Variants in MARCHF1 observed in about 807,000 individuals in gnomAD.
The protein encoded by MARCHF1 is E3 ubiquitin-protein ligase MARCHF1.
A neutral mutation model predicts 54.2 loss-of-function variants in MARCHF1; 40 were observed. The ratio of observed to expected loss-of-function variants is 0.74; its 90% CI spans 0.57 to 0.96. MARCHF1 has a LOEUF of 0.96. MARCHF1 is among the 40% of genes least tolerant of loss of function. The pLI, the probability that MARCHF1 is intolerant of heterozygous loss-of-function variation, is 0.00. For missense variants in MARCHF1, 586 were observed against 656.5 expected (o/e 0.89, Z 1.17); for synonymous variants, 236 against 236.3 (o/e 1.00, Z 0.01).
intron 1 of MARCHF1, among the ~76,000 whole-genome samples, chr4:164,347,324 C>A (rs1369076950): frequency 6.6e-6 from 1 of 152,266 alleles, no homozygotes; most frequent in African/African-American, 2.4e-5. Context: ...TGCTGCTGAA[C>A]TAGGACTGCC....
rs192295330 is a variant in MARCHF1 at position 163,830,648 on chromosome 4, G to A, written c.111+23373C>T. Among the ~76,000 whole-genome samples the A allele has an allele frequency of 5.4e-3, 821 of 152,142 alleles. 9 individuals carry two copies. Among genetic ancestry groups the A allele is most frequent in the Non-Finnish European group, 8.2e-3 (556 of 67,982 alleles). ...ATGCTCTCCAGCTGGCCACAGTGGC[G>A]CATGTCTGTAATCCCAGCACTTTGA... is the stretch of plus-strand genomic sequence containing the variant. On this transcript the variant is annotated intron_variant, in intron 4 of 9. Transcript: ENST00000514618.
rs202032654 is a variant in MARCHF1 at position 163,589,318 on chromosome 4, C to T, written c.1011-3389G>A. Among the ~76,000 whole-genome samples, 56 of 152,172 alleles carry T rather than the reference C, an allele frequency of 3.7e-4. No homozygotes were observed. The East Asian group carries it at 0.011, about 29-fold the overall frequency. ...ATAAAGTCCTTTTTAAAAATTTCTG[C>T]TAAAACTACTACCTGAAGCACCACT... On this transcript the variant is annotated intron_variant, in intron 7 of 9. Coordinates refer to ENST00000514618, the MANE Select transcript of MARCHF1 (RefSeq NM_001394959.1).
chr4:163,939,573 T>A (rs1252126369), intron 3 of MARCHF1, among the ~76,000 whole-genome samples: 1 of 152,188 alleles, frequency 6.6e-6, no homozygotes, highest in Non-Finnish European at 1.5e-5. Context: ...TTGCCATCAG[T>A]TTACCAACTC....
At chr4:164,197,693 T>C (rs1010700599) in intron 1 of MARCHF1, 8 of 1,612,276 alleles carry the variant, frequency 5.0e-6, no homozygotes, top group Non-Finnish European at 6.8e-6. Flanking sequence ...TCTGAATGAA[T>C]CCGTCTGCCC....
chr4:163,951,129 A>G (rs1007868912), intron 3 of MARCHF1, among the ~76,000 whole-genome samples: 5 of 152,234 alleles, frequency 3.3e-5, no homozygotes, highest in Non-Finnish European at 5.9e-5. Context: ...ATGAAATGAG[A>G]AAAACTGATA....
intron 4 of MARCHF1, among the ~76,000 whole-genome samples, chr4:163,806,947 C>T (rs1748243141): frequency 6.6e-6 from 1 of 151,986 alleles, no homozygotes; most frequent in Admixed American, 6.6e-5. Flanking sequence ...AAAAAATGTA[C>T]ACTTAACAAA....
chr4:164,284,334 CAGAGAGAGAG>C (rs139533400), intron 1 of MARCHF1, among the ~76,000 whole-genome samples: 10 of 117,558 alleles, frequency 8.5e-5, no homozygotes, highest in African/African-American at 2.6e-4. Flanking sequence ...GAGAGAGAGA[CAGAGAGAGAG>C]AGAGAGAGAG....
intron 1 of MARCHF1, among the ~76,000 whole-genome samples, chr4:164,308,006 T>C (rs766486514): frequency 2.0e-5 from 3 of 152,220 alleles, no homozygotes; most frequent in East Asian, 1.9e-4. Context: ...AGTTGTCTTA[T>C]AGTTACGCTG....
rs60753810 is a variant in MARCHF1 at position 164,081,207 on chromosome 4, CAAAAAAAAAAAAAAA to C, written c.-248+30366_-248+30380del. Among the ~76,000 whole-genome samples, 8 of 18,406 alleles carry C rather than the reference CAAAAAAAAAAAAAAA, an allele frequency of 4.3e-4. 1 individual carries two copies. Among genetic ancestry groups the C allele is most frequent in the East Asian group, 3.9e-3 (2 of 518 alleles). 12.1% of individuals were successfully genotyped at this position (18,406 alleles called of 152,430 possible). Reference sequence around the variant, plus strand: ...TGGGCGACAGAGCCAGACGCTGTCTCAAAAAAAAAAAAAAAAAAAAAAAAAAAAAAGAAATATTAT... The same window carrying C: ...TGGGCGACAGAGCCAGACGCTGTCTCAAAAAAAAAAAAAAAGAAATATTAT... On this transcript the variant is annotated intron_variant, in intron 2 of 9. Transcript: ENST00000514618.
intron 2 of MARCHF1, among the ~76,000 whole-genome samples, chr4:164,096,846 A>G (rs182954384): frequency 5.9e-5 from 9 of 152,300 alleles, no homozygotes; most frequent in Non-Finnish European, 8.8e-5. Context: ...ATAAATTGAA[A>G]GAAATTTATT....
chr4:163,808,360 C>T (rs1268263560), intron 4 of MARCHF1, among the ~76,000 whole-genome samples: 1 of 152,166 alleles, frequency 6.6e-6, no homozygotes, highest in Non-Finnish European at 1.5e-5. Context: ...GGTGAAAGTT[C>T]TGCAGCCTGA....
In MARCHF1 at chr4:164,198,066, G is replaced by A. The variant is rs1050516892; in HGVS notation, c.-322-86404C>T. Among the ~76,000 whole-genome samples the A allele has an allele frequency of 5.3e-5, 8 of 152,200 alleles. 1 individual carries two copies. Among genetic ancestry groups the A allele is most frequent in the Non-Finnish European group, 1.2e-4 (8 of 68,030 alleles). On this transcript the variant is annotated intron_variant, in intron 1 of 9. Transcript: ENST00000514618. ...TTTTTCTTTTTACTTTTAGAGACCT[G>A]ACACGGGATATCTTTGAATCTATAG...
chr4:163,524,589 A>T (rs193170304), downstream of MARCHF1: 56 of 152,252 alleles, frequency 3.7e-4, no homozygotes, highest in Admixed American at 3.3e-3. Flanking sequence ...GTCATGAGTT[A>T]GTCAACGTAG....
In MARCHF1 at chr4:163,595,353, A is replaced by T. The variant is rs972456822; in HGVS notation, c.1011-9424T>A. On this transcript the variant is annotated intron_variant, in intron 7 of 9. Transcript: ENST00000514618. ...GTGAGACCCTGTCTTCACTAAAAATAAAATAAAAAAAAAATTAGCGGAGTG... is the reference window on the plus strand; with the variant it reads ...GTGAGACCCTGTCTTCACTAAAAATTAAATAAAAAAAAAATTAGCGGAGTG... Among the ~76,000 whole-genome samples the T allele has an allele frequency of 6.1e-5, 6 of 98,028 alleles. No homozygotes were observed. The South Asian group carries it at 1.4e-3, about 23-fold the overall frequency. The allele number at this position is 98,028 out of a possible 152,430, so 64.3% of individuals were successfully genotyped here. A position where few individuals can be genotyped will look rare whatever the true frequency, so the allele number is the denominator to read the frequency against.
In MARCHF1 at chr4:164,218,719, G is replaced by A. The variant is rs539680934; in HGVS notation, c.-322-107057C>T. ...CTGTTGTGGGGTGGGGGGAGGGGGA[G>A]GGATAGCATTAGGAGATATATCTAA... On this transcript the variant is annotated intron_variant, in intron 1 of 9. Transcript: ENST00000514618. Among the ~76,000 whole-genome samples, 5 of 127,970 alleles carry A rather than the reference G, an allele frequency of 3.9e-5. No homozygotes were observed. In the South Asian group the frequency reaches 1.5e-3, roughly 38 times the overall value. The allele number at this position is 127,970 out of a possible 152,430, so 84.0% of individuals were successfully genotyped here.
chr4:164,295,426 A>G (rs1255057954), intron 1 of MARCHF1, among the ~76,000 whole-genome samples: 2 of 124,760 alleles, frequency 1.6e-5, no homozygotes, highest in Admixed American at 7.6e-5. Context: ...CTGAACTTCA[A>G]AACACACACA....
In MARCHF1 at chr4:163,533,717, C is replaced by G. The variant is rs577727540; in HGVS notation, c.1340-4671G>C. On this transcript the variant is annotated intron_variant, in intron 9 of 9. Transcript: ENST00000514618. ...TATATTTATATATATTAGCTCCTTA[C>G]TTGAGAGATTAGTTCCATGAATTCA... is the stretch of plus-strand genomic sequence containing the variant. 2.0e-5 allele frequency among the ~76,000 whole-genome samples: 3 copies of G among 147,994 alleles called. No individual in the cohort carries two copies. In the East Asian group the frequency reaches 5.9e-4, roughly 29 times the overall value.
chr4:164,101,171 C>A (rs1157065520), intron 2 of MARCHF1, among the ~76,000 whole-genome samples: 3 of 152,196 alleles, frequency 2.0e-5, no homozygotes, highest in Non-Finnish European at 4.4e-5. Context: ...TGCAAGGCAG[C>A]AGCGAGGCCG....
intron 3 of MARCHF1, among the ~76,000 whole-genome samples, chr4:163,987,445 TG>T (rs1752890283): frequency 3.9e-5 from 6 of 152,236 alleles, no homozygotes; most frequent in African/African-American, 1.4e-4. Context: ...CATTTGAAGA[TG>T]TACTCAAATT....
Sources: gnomAD v4.1 joint callset for allele counts (sites outside exome capture counted in the v4.1 genomes callset) on GRCh38, gnomAD v4.1.1 for gene constraint, MANE v1.5 for transcripts, NCBI Gene and HGNC (gene_info 2026-07-23, HGNC 2026-07-21) for gene names.